URB2: variants seen among roughly 807,000 people sequenced by gnomAD.
URB2 encodes URB2 ribosome biogenesis homolog, also known as unhealthy ribosome biogenesis protein 2 homolog.
A neutral mutation model predicts 120.9 loss-of-function variants in URB2; 86 were observed. That is an observed-to-expected ratio of 0.71 (90% CI 0.60 to 0.85). The LOEUF (loss-of-function observed/expected upper bound fraction) is 0.85. URB2 is among the 40% of genes least tolerant of loss of function. The probability of loss-of-function intolerance (pLI) is 0.00; values close to 1 mark genes in which losing one functional copy is unlikely to be tolerated. For synonymous variants in URB2, 755 were observed against 758.4 expected (o/e 1.00, Z 0.07); for missense variants, 1,765 against 1,836.5 (o/e 0.96, Z 0.71).
intron 9 of URB2, among the ~76,000 whole-genome samples, chr1:229,655,891 A>G (rs552364754): frequency 6.6e-6 from 1 of 152,216 alleles, no homozygotes; most frequent in African/African-American, 2.4e-5. Context: ...CTGGAGCTGC[A>G]TCACTTTTCA....
chr1:229,632,883 C>T (rs960196025), intron 3 of URB2, among the ~76,000 whole-genome samples: 6 of 151,528 alleles, frequency 4.0e-5, no homozygotes, highest in East Asian at 1.9e-4. Flanking sequence ...GCCGGCAACC[C>T]GGGGCCACCT....
At chr1:229,647,344 A>C (rs748770034) in intron 6 of URB2, among the ~76,000 whole-genome samples, 166 bp from the exon 7 acceptor site, 1 of 152,162 alleles carries the variant, frequency 6.6e-6, no homozygotes, top group Non-Finnish European at 1.5e-5. Flanking sequence ...CTTTCACTAG[A>C]GCTGATCTGT....
chr1:229,654,586 GGGCTCAA>G (rs1237527650), intron 9 of URB2, among the ~76,000 whole-genome samples, 198 bp downstream of exon 9: 25 of 152,106 alleles, frequency 1.6e-4, no homozygotes, highest in African/African-American at 6.0e-4. Context: ...TCGAACTCCT[GGGCTCAA>G]ATGTTCCTCC....
chr1:229,636,732 A>G lies in URB2; in HGVS notation c.2119A>G (p.Ile707Val). 1.2e-6 allele frequency: 2 copies of G among 1,612,736 alleles called. No homozygotes were observed. Among genetic ancestry groups the G allele is most frequent in the South Asian group, 1.1e-5 (1 of 90,962 alleles). Residue 707 changes from isoleucine to valine, a missense_variant, in exon 4 of 10, where the codon ATT (isoleucine) becomes GTT (valine). Ile to Val is a conservative substitution (Grantham distance 29, BLOSUM62 3). Transcript: ENST00000258243. ...IQSLRCDAAF[I>V]IGSGRKSLNQ... ...AAGTTTGAGGTGCGATGCTGCCTTTATTATTGGTTCCGGCAGAAAAAGCTT... is the reference window on the plus strand; with the variant it reads ...AAGTTTGAGGTGCGATGCTGCCTTTGTTATTGGTTCCGGCAGAAAAAGCTT...
At chr1:229,647,378 A>T in intron 6 of URB2, 132 bp from the exon 7 acceptor site, 1 of 1,109,390 alleles carries the variant, frequency 9.0e-7, no homozygotes, top group Non-Finnish European at 1.3e-6. Flanking sequence ...AATAGTATTT[A>T]ACGGCCCACG....
intron 4 of URB2, among the ~76,000 whole-genome samples, chr1:229,642,424 CAAAA>C (rs1316950912): frequency 2.0e-5 from 3 of 152,108 alleles, no homozygotes; most frequent in African/African-American, 7.2e-5. Flanking sequence ...CTTTACCTCT[CAAAA>C]GTCCCCTTTC....
At chr1:229,627,264 C>T (rs372580560) in intron 1 of URB2, among the ~76,000 whole-genome samples, 3 of 152,210 alleles carry the variant, frequency 2.0e-5, no homozygotes, top group African/African-American at 7.2e-5. Context: ...CAATTTGAAA[C>T]CATGTATGAA....
intron 8 of URB2, 124 bp from the exon 9 acceptor site, chr1:229,654,125 T>C: frequency 7.1e-7 from 1 of 1,403,758 alleles, no homozygotes. Flanking sequence ...ATAAGCCAAT[T>C]AAAGAGTCTG....
intron 5 of URB2, among the ~76,000 whole-genome samples, chr1:229,645,491 G>A (rs969438937): frequency 2.0e-5 from 3 of 152,132 alleles, no homozygotes; most frequent in African/African-American, 4.8e-5. Flanking sequence ...TGAAGTAACA[G>A]CCAGTGTCCT....
At position 229,654,310 on chromosome 1, in the gene URB2, C is replaced by G; in HGVS notation, c.4299C>G (p.Ser1433Arg). The G allele has an allele frequency of 6.2e-7, 1 of 1,614,170 alleles. No individual in the cohort carries two copies. The highest frequency in any genetic ancestry group is 8.5e-7 in the Non-Finnish European group (1 of 1,180,032). ...KCARLVERMY[S>R]HIAARAEEFA... ...CACGCCTGGTTGAAAGAATGTACAG[C>G]CACATCGCCGCACGAGCTGAGGAGT... The change falls in exon 9 of 10, where the codon AGC (serine) becomes AGG (arginine). Residue 1433 changes from serine to arginine, a missense_variant. Transcript: ENST00000258243.
At position 229,637,973 on chromosome 1, in the gene URB2, C is replaced by T. The variant is rs2102787475; in HGVS notation, c.3360C>T (p.Val1120=). ...WRLPSVLISS[V]STLLEADLGQ... ...TTCCCTCGGTCCTCATCTCATCCGT[C>T]AGCACGCTCTTGGAAGCCGACCTGG... Residue 1120 remains valine, a synonymous_variant, in exon 4 of 10, where the codon GTC becomes GTT. Coordinates refer to ENST00000258243, the MANE Select transcript of URB2 (RefSeq NM_014777.4). 1.2e-6 allele frequency: 2 copies of T among 1,613,764 alleles called. No individual in the cohort carries two copies. The highest frequency in any genetic ancestry group is 2.2e-5 in the South Asian group (2 of 90,970).
chr1:229,634,056 G>T (rs573983029), intron 3 of URB2, among the ~76,000 whole-genome samples: 2 of 151,556 alleles, frequency 1.3e-5, no homozygotes, highest in African/African-American at 2.4e-5. Flanking sequence ...GTTCTCGAAC[G>T]CCTGGCCTCA....
chr1:229,636,898 TG>T lies in URB2; in HGVS notation c.2287del (p.Ala763ProfsTer5), dbSNP rs1203200230. ...SYLCPDDVGY[L>X]ASVLLRTLPM... ...CTGTGTCCAGATGATGTGGGATACC[TG>T]GCCAGTGTCCTGCTGAGAACTTTAC... On this transcript the variant is annotated frameshift_variant, in exon 4 of 10. Coordinates refer to ENST00000258243, the MANE Select transcript of URB2 (RefSeq NM_014777.4). LOFTEE classifies it high-confidence loss of function. The T allele has an allele frequency of 1.2e-6, 2 of 1,611,364 alleles. No homozygotes were observed. Among genetic ancestry groups the T allele is most frequent in the African/African-American group, 2.7e-5 (2 of 74,852 alleles).
chr1:229,650,128 G>A (rs1183992127), intron 7 of URB2, among the ~76,000 whole-genome samples: 1 of 152,126 alleles, frequency 6.6e-6, no homozygotes, highest in Non-Finnish European at 1.5e-5. Flanking sequence ...GAATAATCCC[G>A]ACACTTGACT....
intron 4 of URB2, among the ~76,000 whole-genome samples, chr1:229,642,908 A>G (rs753084175): frequency 6.6e-6 from 1 of 152,196 alleles, no homozygotes; most frequent in Non-Finnish European, 1.5e-5. Context: ...AAACTAAACT[A>G]CTGATAGCCT....
intron 4 of URB2, among the ~76,000 whole-genome samples, chr1:229,639,908 G>A (rs762850884): frequency 6.6e-6 from 1 of 152,058 alleles, no homozygotes; most frequent in Non-Finnish European, 1.5e-5. Flanking sequence ...AAGGTTAATG[G>A]GTTACTATGC....
Position 229,654,323 on chromosome 1 carries a change from C to G in URB2, c.4312C>G (p.Arg1438Gly), listed in dbSNP as rs375051377. ...AAGAATGTACAGCCACATCGCCGCA[C>G]GAGCTGAGGAGTTTGCTGTGTTTTC... Reference protein sequence around the residue: ...VERMYSHIAARAEEFAVFSPF... With the variant: ...VERMYSHIAAGAEEFAVFSPF... The change falls in exon 9 of 10, where the codon CGA (arginine) becomes GGA (glycine). Residue 1438 changes from arginine (R) to glycine (G), a missense_variant. Transcript: ENST00000258243. The G allele has an allele frequency of 1.4e-5, 22 of 1,614,042 alleles. No individual in the cohort carries two copies. The Admixed American group carries it at 2.0e-4, about 15-fold the overall frequency.
Position 229,636,260 on chromosome 1 carries a change from C to T in URB2, c.1647C>T (p.Ile549=). The change falls in exon 4 of 10, where the codon ATC becomes ATT. Residue 549 remains isoleucine (I), a synonymous_variant. Transcript: ENST00000258243. ...CACTGAGCTTGCTGCTGCACTGCAT[C>T]ATGTTCAACATGAGGAGCCTGGACA... ...SLSLSLLLHC[I]MFNMRSLDSS... is the part of the protein sequence containing the mutation. 1.9e-6 allele frequency: 3 copies of T among 1,614,046 alleles called. No individual in the cohort carries two copies. Among genetic ancestry groups the T allele is most frequent in the Non-Finnish European group, 2.5e-6 (3 of 1,179,908 alleles).
intron 2 of URB2, among the ~76,000 whole-genome samples, chr1:229,631,925 C>T (rs1339699844): frequency 2.6e-5 from 4 of 152,130 alleles, no homozygotes; most frequent in African/African-American, 9.7e-5. Flanking sequence ...CATAAACCTC[C>T]AATTTGTAAA....
Sources: gnomAD v4.1 joint callset for allele counts (sites outside exome capture counted in the v4.1 genomes callset) on GRCh38, gnomAD v4.1.1 for gene constraint, MANE v1.5 for transcripts, NCBI Gene and HGNC (gene_info 2026-07-23, HGNC 2026-07-21) for gene names.